Variants in DLG2 observed in about 807,000 individuals in gnomAD.
DLG2 encodes discs large MAGUK scaffold protein 2, also known as disks large homolog 2.
In DLG2, 45 loss-of-function variants were observed where a neutral mutation model predicts 132.5. The observed-to-expected ratio is 0.34, with a 90% CI of 0.27 to 0.44. The LOEUF is 0.44. DLG2 is among the 20% of genes least tolerant of loss of function. DLG2 has a pLI of 1.00. For synonymous variants in DLG2, 424 were observed against 419.6 expected (o/e 1.01, Z -0.13); for missense variants, 1,045 against 1,196.9 (o/e 0.87, Z 1.87).
chr11:83,782,887 CAT>C (rs2094893056), intron 18 of DLG2, among the ~76,000 whole-genome samples: 2 of 151,940 alleles, frequency 1.3e-5, no homozygotes, highest in South Asian at 4.2e-4. Flanking sequence ...TGTGGGTGCA[CAT>C]GTGTGTAAGA....
intron 8 of DLG2, among the ~76,000 whole-genome samples, chr11:84,204,593 T>C (rs1372715614): frequency 3.3e-5 from 5 of 152,178 alleles, no homozygotes; most frequent in African/African-American, 1.2e-4. Context: ...TGAAACATTA[T>C]AATTATTATT....
intron 7 of DLG2, among the ~76,000 whole-genome samples, chr11:84,404,575 T>C (rs1279869642): frequency 1.3e-5 from 2 of 152,308 alleles, no homozygotes; most frequent in South Asian, 4.1e-4. Flanking sequence ...TAAATACGTG[T>C]CTAGTAATTT....
At chr11:84,286,820 G>A (rs1387581342) in intron 7 of DLG2, among the ~76,000 whole-genome samples, 2 of 152,170 alleles carry the variant, frequency 1.3e-5, no homozygotes, top group African/African-American at 4.8e-5. Flanking sequence ...GCTTTGTAAT[G>A]TTAGAATCCC....
intron 22 of DLG2, chr11:83,483,104 T>A: frequency 1.5e-6 from 1 of 655,694 alleles, no homozygotes; most frequent in African/African-American, 1.8e-5. Context: ...GAAAGTTACT[T>A]TGTAGGAGCA....
intron 6 of DLG2, among the ~76,000 whole-genome samples, chr11:85,098,252 G>A (rs994199045): frequency 1.6e-4 from 25 of 152,144 alleles, no homozygotes; most frequent in African/African-American, 4.3e-4. Flanking sequence ...TTCATATAGT[G>A]CAACGAAGAA....
chr11:84,310,905 A>G (rs115398576), intron 7 of DLG2, among the ~76,000 whole-genome samples: 260 of 152,340 alleles, frequency 1.7e-3, no homozygotes, highest in African/African-American at 5.8e-3. Flanking sequence ...CAAAGGAACT[A>G]TGAGGGGAGA....
intron 6 of DLG2, among the ~76,000 whole-genome samples, chr11:84,764,436 T>C (rs997517837): frequency 6.6e-6 from 1 of 152,138 alleles, no homozygotes; most frequent in East Asian, 1.9e-4. Context: ...CTAACAATGA[T>C]AGTTAACATT....
At chr11:84,108,761 T>C (rs1173791194) in intron 9 of DLG2, among the ~76,000 whole-genome samples, 9 of 136,010 alleles carry the variant, frequency 6.6e-5, no homozygotes. Context: ...TGTACAAACT[T>C]ATTGGAGAGT....
At position 84,440,463 on chromosome 11, in the gene DLG2, C is replaced by T. The variant is rs2099013948; in HGVS notation, c.519+94107G>A. ...TAATGTCAACTGAATGAAGTCATTG[C>T]CATATTTATACAACCATCTTCCCTG... On this transcript the variant is annotated intron_variant, in intron 7 of 27. Transcript: ENST00000376104. Among the ~76,000 whole-genome samples, 3 of 151,938 alleles carry T rather than the reference C, an allele frequency of 2.0e-5. No individual in the cohort carries two copies. In the South Asian group the frequency reaches 6.3e-4, roughly 32 times the overall value.
intron 18 of DLG2, among the ~76,000 whole-genome samples, chr11:83,730,198 AT>A (rs1172619505): frequency 1.3e-4 from 20 of 148,484 alleles, no homozygotes; most frequent in East Asian, 3.9e-4. Context: ...TATCAAAAAA[AT>A]GTTCACTTTA....
intron 18 of DLG2, among the ~76,000 whole-genome samples, chr11:83,690,090 T>C (rs1264613896): frequency 6.7e-6 from 1 of 148,734 alleles, no homozygotes; most frequent in Non-Finnish European, 1.5e-5. Flanking sequence ...TGTAACTGTA[T>C]TACTGTGTCA....
At chr11:85,523,303 G>A (rs2074463067) in intron 3 of DLG2, among the ~76,000 whole-genome samples, 2 of 152,072 alleles carry the variant, frequency 1.3e-5, no homozygotes, top group East Asian at 1.9e-4. Flanking sequence ...TTTAATAGCA[G>A]TGTGGAAACA....
intron 6 of DLG2, chr11:84,720,777 T>C (rs1424507204): frequency 6.6e-6 from 1 of 152,166 alleles, no homozygotes; most frequent in Non-Finnish European, 1.5e-5. Flanking sequence ...TGTGCCCGCC[T>C]ACTCTCCCCA....
chr11:85,269,023 A>G (rs2077375889), intron 4 of DLG2, among the ~76,000 whole-genome samples: 1 of 152,218 alleles, frequency 6.6e-6, no homozygotes, highest in Admixed American at 6.5e-5. Context: ...TCAACTCTAT[A>G]CTTTTAAAGT....
intron 6 of DLG2, among the ~76,000 whole-genome samples, chr11:84,973,159 A>C (rs2054348497): frequency 6.6e-6 from 1 of 151,866 alleles, no homozygotes; most frequent in Non-Finnish European, 1.5e-5. Context: ...GGGTTTCGCC[A>C]TGTTGGCCAG....
At chr11:84,268,708 G>A (rs549915650) in intron 7 of DLG2, among the ~76,000 whole-genome samples, 15 of 152,030 alleles carry the variant, frequency 9.9e-5, no homozygotes, top group South Asian at 4.2e-4. Flanking sequence ...TGATCCGCCC[G>A]CCTCAGCCTC....
intron 3 of DLG2, among the ~76,000 whole-genome samples, chr11:85,520,815 G>A (rs2074250905): frequency 6.6e-6 from 1 of 152,126 alleles, no homozygotes; most frequent in African/African-American, 2.4e-5. Context: ...TTCATATGCA[G>A]AAGAATGAAA....
intron 6 of DLG2, among the ~76,000 whole-genome samples, chr11:84,717,921 A>G (rs1473459015): frequency 6.6e-6 from 1 of 152,068 alleles, no homozygotes; most frequent in Admixed American, 6.5e-5. Flanking sequence ...AGAAACTGAG[A>G]CTTACATAAA....
chr11:84,632,527 T>A (rs2099633810), intron 6 of DLG2, among the ~76,000 whole-genome samples: 1 of 152,172 alleles, frequency 6.6e-6, no homozygotes, highest in African/African-American at 2.4e-5. Context: ...TGATCCCATT[T>A]TACAAATGGA....
Sources: allele counts gnomAD v4.1 joint callset (sites outside exome capture counted in the v4.1 genomes callset), GRCh38; gene constraint gnomAD v4.1.1; transcripts MANE v1.5; gene names NCBI Gene and HGNC (gene_info 2026-07-23, HGNC 2026-07-21).